Variants in RGS8 observed in about 807,000 individuals in gnomAD.
RGS8 encodes the protein regulator of G protein signaling 8.
RGS8 carries 8 observed loss-of-function variants against 21.7 expected under a neutral mutation model. That is an observed-to-expected ratio of 0.37 (90% CI 0.22 to 0.66). RGS8 has a LOEUF of 0.66. Ranked by LOEUF, RGS8 falls within the 30% of genes least tolerant of loss-of-function variation. The probability of loss-of-function intolerance (pLI) is 0.59; values close to 1 mark genes in which losing one functional copy is unlikely to be tolerated. For synonymous variants in RGS8, 80 were observed against 83.6 expected (o/e 0.96, Z 0.24); for missense variants, 157 against 217.9 (o/e 0.72, Z 1.76).
the RGS8 span, among the ~76,000 whole-genome samples, chr1:182,739,808 GC>G: frequency 4.6e-5 from 7 of 152,000 alleles, no homozygotes; most frequent in African/African-American, 1.7e-4. Flanking sequence ...CGACAATCAC[GC>G]TAACAGGCAG....
chr1:182,678,487 G>C (rs781622218), intron 1 of RGS8, among the ~76,000 whole-genome samples: 1 of 152,114 alleles, frequency 6.6e-6, no homozygotes, highest in Non-Finnish European at 1.5e-5. Context: ...GTTTAGAGTG[G>C]GTATAACTCC....
chr1:182,659,657 C>A (rs7530781), intron 5 of RGS8, among the ~76,000 whole-genome samples: 3,542 of 152,212 alleles, frequency 0.023, 141 homozygotes, highest in African/African-American at 0.077. Flanking sequence ...CAAGATTGTG[C>A]CACTGCACTC....
At chr1:182,712,853 T>C in the RGS8 span, 1 of 152,226 alleles carries the variant, frequency 6.6e-6, no homozygotes, top group Admixed American at 6.5e-5. Context: ...CCTGCCTTCC[T>C]CTTAAGATCC....
At chr1:182,707,702 G>A in the RGS8 span, among the ~76,000 whole-genome samples, 3 of 152,038 alleles carry the variant, frequency 2.0e-5, no homozygotes. Flanking sequence ...ATTTTTGTTT[G>A]TTTGTTTTGT....
chr1:182,691,671 A>C, the RGS8 span, among the ~76,000 whole-genome samples: 1 of 151,602 alleles, frequency 6.6e-6, no homozygotes, highest in Non-Finnish European at 1.5e-5. Context: ...GCATACCTCA[A>C]AATAATAAGA....
chr1:182,671,183 G>A (rs542633286), intron 2 of RGS8, among the ~76,000 whole-genome samples: 10 of 152,188 alleles, frequency 6.6e-5, no homozygotes, highest in South Asian at 2.1e-4. Context: ...CAAATCCAGC[G>A]CTGCCCAAAT....
At chr1:182,678,396 GT>G in intron 1 of RGS8, among the ~76,000 whole-genome samples, 1 of 152,326 alleles carries the variant, frequency 6.6e-6, no homozygotes, top group Middle Eastern at 3.4e-3. Flanking sequence ...TCCATTGTAA[GT>G]TTTTCTCCCC....
downstream of RGS8, chr1:182,642,643 C>T (rs1662517393): frequency 6.6e-6 from 1 of 152,398 alleles, no homozygotes; most frequent in Admixed American, 6.5e-5. Flanking sequence ...AGCTGCTCAG[C>T]TCAAGTGCCC....
At chr1:182,651,578 A>C (rs1663019442) in intron 5 of RGS8, among the ~76,000 whole-genome samples, 1 of 152,246 alleles carries the variant, frequency 6.6e-6, no homozygotes, top group Admixed American at 6.5e-5. Context: ...GAAAAATCAT[A>C]AGTTGAACCA....
the RGS8 span, among the ~76,000 whole-genome samples, chr1:182,720,120 C>T: frequency 1.3e-5 from 2 of 152,000 alleles, no homozygotes; most frequent in Middle Eastern, 3.2e-3. Flanking sequence ...TGAATTTTTC[C>T]AAAAGATAAA....
the RGS8 span, among the ~76,000 whole-genome samples, chr1:182,736,542 T>C: frequency 3.3e-5 from 5 of 152,240 alleles, no homozygotes; most frequent in African/African-American, 1.2e-4. Context: ...ATTTGGTGGG[T>C]TAGCAAAGCC....
the RGS8 span, among the ~76,000 whole-genome samples, chr1:182,723,728 A>T: frequency 1.3e-5 from 2 of 152,298 alleles, no homozygotes; most frequent in South Asian, 2.1e-4. Flanking sequence ...CTGCAAAAAT[A>T]ATGCAGCTCA....
chr1:182,673,098 A>G (rs1454581771), upstream of RGS8, among the ~76,000 whole-genome samples: 1 of 152,056 alleles, frequency 6.6e-6, no homozygotes, highest in Non-Finnish European at 1.5e-5. Context: ...CTAGGTCCCT[A>G]AGGTTGAGTC....
chr1:182,746,558 A>G, the RGS8 span, among the ~76,000 whole-genome samples: 3 of 152,124 alleles, frequency 2.0e-5, no homozygotes, highest in Admixed American at 6.5e-5. Flanking sequence ...TCCCAACTAC[A>G]TAAGTATCAC....
At chr1:182,736,686 C>T in the RGS8 span, among the ~76,000 whole-genome samples, 1 of 152,138 alleles carries the variant, frequency 6.6e-6, no homozygotes, top group Non-Finnish European at 1.5e-5. Context: ...TTGAGTAATC[C>T]CCTACCATGC....
chr1:182,700,966 T>C, the RGS8 span, among the ~76,000 whole-genome samples: 1 of 152,238 alleles, frequency 6.6e-6, no homozygotes. Flanking sequence ...AGCTTCCCCA[T>C]TGTAATGAAT....
At chr1:182,657,162 T>C (rs1190544238) in intron 5 of RGS8, among the ~76,000 whole-genome samples, 1 of 142,336 alleles carries the variant, frequency 7.0e-6, no homozygotes, top group Non-Finnish European at 1.5e-5. Flanking sequence ...CGTAAAATCC[T>C]AGCCTACTGC....
At chr1:182,646,476 G>A in exon 7 of RGS8, 1 of 438,150 alleles carries the variant, frequency 2.3e-6, no homozygotes, top group South Asian at 3.9e-5. Context: ...TTATATGAAG[G>A]GCAAGTTGCT....
In RGS8 at chr1:182,652,537, C is replaced by T. The variant is rs74802657; in HGVS notation, c.194-4234G>A. ...AGCTAACAATATGTAGCATTGAAAA[C>T]TTCATATAAGGTATACTCACCTTCA... On this transcript the variant is annotated intron_variant, in intron 5 of 6. Transcript: ENST00000483095. Among the ~76,000 whole-genome samples the T allele has an allele frequency of 2.8e-3, 422 of 152,336 alleles. 3 individuals are homozygous for T. Among genetic ancestry groups the T allele is most frequent in the African/African-American group, 9.5e-3 (397 of 41,580 alleles).
Sources: gnomAD v4.1 joint callset for allele counts (sites outside exome capture counted in the v4.1 genomes callset) on GRCh38, gnomAD v4.1.1 for gene constraint, MANE v1.5 for transcripts, NCBI Gene and HGNC (gene_info 2026-07-23, HGNC 2026-07-21) for gene names.